The following ACOT12 variants were observed in gnomAD, a reference collection of about 807,000 sequenced individuals.
ACOT12 encodes acyl-CoA thioesterase 12.
Under a neutral mutation model 67.7 loss-of-function variants are expected in ACOT12, and 51 were observed. That is an observed-to-expected ratio of 0.75 (90% CI 0.60 to 0.95). The LOEUF (loss-of-function observed/expected upper bound fraction) is 0.95, where lower values mean the gene tolerates loss of function less well. Ranked by LOEUF, ACOT12 falls within the 40% of genes least tolerant of loss-of-function variation. ACOT12 has a pLI of 0.00. For synonymous variants in ACOT12, 251 were observed against 244.6 expected (o/e 1.03, Z -0.24); for missense variants, 734 against 708.1 (o/e 1.04, Z -0.41).
intron 1 of ACOT12, among the ~76,000 whole-genome samples, chr5:81,388,117 A>G (rs961305112): frequency 6.6e-5 from 10 of 152,174 alleles, no homozygotes; most frequent in Admixed American, 5.9e-4. Context: ...TTAGGCTTAG[A>G]AAGATTAAAT....
chr5:81,323,415 C>T, the ACOT12 span, among the ~76,000 whole-genome samples: 3 of 152,208 alleles, frequency 2.0e-5, no homozygotes, highest in Non-Finnish European at 2.9e-5. Context: ...TCTCTCTTCC[C>T]TTTCCTGGGA....
chr5:81,369,362 C>G (rs913186931), intron 3 of ACOT12, among the ~76,000 whole-genome samples: 4 of 152,184 alleles, frequency 2.6e-5, no homozygotes, highest in Admixed American at 2.6e-4. Flanking sequence ...TCATTTATTT[C>G]TGCTCAGCAA....
At chr5:81,350,045 A>C (rs574550375) in intron 5 of ACOT12, among the ~76,000 whole-genome samples, 5 of 152,188 alleles carry the variant, frequency 3.3e-5, no homozygotes, top group Middle Eastern at 3.4e-3. Context: ...TATTCTTGTC[A>C]CCTCTTCATG....
At chr5:81,311,370 A>G in the ACOT12 span, 53 of 1,316,274 alleles carry the variant, frequency 4.0e-5, no homozygotes, top group Non-Finnish European at 2.6e-5. Flanking sequence ...CAATTGGGAT[A>G]CTAATGATTT....
chr5:81,381,183 C>T (rs1760573533), intron 2 of ACOT12, among the ~76,000 whole-genome samples: 2 of 152,040 alleles, frequency 1.3e-5, no homozygotes, highest in Admixed American at 6.6e-5. Context: ...TCTCCTGCCT[C>T]AGCTTCCCGA....
At chr5:81,329,036 G>C (rs898496825), downstream of ACOT12, among the ~76,000 whole-genome samples, 5 of 152,138 alleles carry the variant, frequency 3.3e-5, no homozygotes, top group African/African-American at 1.2e-4. Context: ...GGGAATGCAG[G>C]AATAGACTAT....
chr5:81,356,512 A>G (rs6452401), intron 5 of ACOT12, among the ~76,000 whole-genome samples: 29,522 of 151,864 alleles, frequency 0.19, 3,292 homozygotes, highest in African/African-American at 0.31. Context: ...TTCTCTAAGC[A>G]GTTGTCTCTC....
intron 3 of ACOT12, among the ~76,000 whole-genome samples, chr5:81,367,004 A>T (rs1011212325): frequency 6.6e-6 from 1 of 152,202 alleles, no homozygotes; most frequent in Non-Finnish European, 1.5e-5. Context: ...AAAAATCCAC[A>T]TTTCTTAGAA....
intron 11 of ACOT12, among the ~76,000 whole-genome samples, chr5:81,341,791 C>T (rs1759200706): frequency 6.6e-6 from 1 of 152,096 alleles, no homozygotes; most frequent in Non-Finnish European, 1.5e-5. Context: ...AACCTGATGG[C>T]ATGCAAAACA....
At chr5:81,322,369 T>A in the ACOT12 span, among the ~76,000 whole-genome samples, 1 of 151,906 alleles carries the variant, frequency 6.6e-6, no homozygotes, top group African/African-American at 2.4e-5. Context: ...TTAATATTAT[T>A]TAATATTATT....
At chr5:81,330,673 G>A (rs754272811) in intron 14 of ACOT12, 130 bp from the exon 15 acceptor site, 2 of 1,470,840 alleles carry the variant, frequency 1.4e-6, no homozygotes, top group Non-Finnish European at 1.8e-6. Context: ...TGGAATAGAT[G>A]ATCCGAAAGG....
intron 11 of ACOT12, 26 bp downstream of exon 11, chr5:81,342,646 T>C: frequency 4.3e-6 from 7 of 1,612,022 alleles, no homozygotes; most frequent in Non-Finnish European, 5.9e-6. Flanking sequence ...GGCGATGGAT[T>C]ATGCAAATAC....
At chr5:81,334,575 T>C (rs1758937331) in intron 12 of ACOT12, among the ~76,000 whole-genome samples, 1 of 152,238 alleles carries the variant, frequency 6.6e-6, no homozygotes, top group Non-Finnish European at 1.5e-5. Flanking sequence ...ACCTCAGAGA[T>C]GTTTCACTTT....
At chr5:81,375,154 C>T (rs913459597) in intron 2 of ACOT12, among the ~76,000 whole-genome samples, 3 of 152,286 alleles carry the variant, frequency 2.0e-5, no homozygotes, top group Non-Finnish European at 2.9e-5. Context: ...CTGCAGAAAC[C>T]CTGCAAGCCA....
Position 81,371,742 on chromosome 5 carries a change from C to T in ACOT12, c.258+8G>A, listed in dbSNP as rs1357132358. On this transcript the variant is annotated splice_region_variant and intron_variant, in intron 3 of 14. Transcript: ENST00000307624. ...CAACAGGCAGATGTTTGAAAAGGTG[C>T]CTCTTACCTCCATGCTTGTGCTGAA... 1.9e-6 allele frequency: 3 copies of T among 1,613,552 alleles called. No individual in the cohort carries two copies. Among genetic ancestry groups the T allele is most frequent in the African/African-American group, 1.3e-5 (1 of 74,890 alleles).
intron 4 of ACOT12, among the ~76,000 whole-genome samples, chr5:81,361,774 G>A (rs1759916673): frequency 6.6e-6 from 1 of 152,208 alleles, no homozygotes; most frequent in African/African-American, 2.4e-5. Context: ...AGTGTACCCT[G>A]TGGAGTCTTG....
chr5:81,378,435 T>A (rs1217593481), intron 2 of ACOT12, among the ~76,000 whole-genome samples: 1 of 152,090 alleles, frequency 6.6e-6, no homozygotes, highest in Non-Finnish European at 1.5e-5. Context: ...GGCAAAGACT[T>A]CATGACTAAA....
At chr5:81,337,780 T>A (rs1292751374) in intron 11 of ACOT12, among the ~76,000 whole-genome samples, 1 of 152,204 alleles carries the variant, frequency 6.6e-6, no homozygotes, top group African/African-American at 2.4e-5. Context: ...TTCTAATGTG[T>A]CCACTACCCA....
intron 11 of ACOT12, among the ~76,000 whole-genome samples, chr5:81,340,690 T>C (rs1759166790): frequency 1.3e-5 from 2 of 152,200 alleles, no homozygotes; most frequent in South Asian, 4.1e-4. Context: ...GACAACTGTG[T>C]TGTAAGAATT....
Sources: gnomAD v4.1 joint callset for allele counts (sites outside exome capture counted in the v4.1 genomes callset) on GRCh38, gnomAD v4.1.1 for gene constraint, MANE v1.5 for transcripts, NCBI Gene and HGNC (gene_info 2026-07-23, HGNC 2026-07-21) for gene names.